Variants in FAM167A observed in about 807,000 individuals in gnomAD.
FAM167A encodes the protein family with sequence similarity 167 member A.
Under a neutral mutation model 14.9 loss-of-function variants are expected in FAM167A, and 23 were observed. The ratio of observed to expected loss-of-function variants is 1.55; its 90% confidence interval spans 1.11 to 2.19. FAM167A has a LOEUF of 2.19. FAM167A is among the 30% of genes most tolerant of loss of function. The probability of loss-of-function intolerance (pLI) is 0.00; values close to 1 mark genes in which losing one functional copy is unlikely to be tolerated. For missense variants in FAM167A, 401 were observed against 281.5 expected, an observed-to-expected ratio of 1.42 and a Z score of -3.04; for synonymous variants, 174 against 117.7, an observed-to-expected ratio of 1.48 and a Z score of -3.10.
At chr8:11,453,815 T>C (rs1037008185) in intron 1 of FAM167A, among the ~76,000 whole-genome samples, 1 of 151,800 alleles carries the variant, frequency 6.6e-6, no homozygotes, top group African/African-American at 2.4e-5. Flanking sequence ...GGAGCACGTC[T>C]ACACCGCAGC....
At chr8:11,430,511 A>G (rs1585233539) in intron 2 of FAM167A, among the ~76,000 whole-genome samples, 1 of 152,332 alleles carries the variant, frequency 6.6e-6, no homozygotes, top group East Asian at 1.9e-4. Context: ...AACACTAAAA[A>G]CCACTGAATT....
At chr8:11,458,912 G>A (rs984216880) in intron 1 of FAM167A, among the ~76,000 whole-genome samples, 3 of 152,250 alleles carry the variant, frequency 2.0e-5, no homozygotes, top group African/African-American at 7.2e-5. Flanking sequence ...GCCATCAAGA[G>A]AGGCTGGAAC....
chr8:11,422,076 C>A lies in FAM167A; in HGVS notation c.*2297G>T, dbSNP rs1302696792. On this transcript the variant is annotated 3_prime_UTR_variant, in exon 3 of 3. Transcript: ENST00000284486. Reference sequence around the variant, plus strand: ...CGAGCAAAATAGCTCAGACATTTAACTTATCCCCAAACATGTGTCTTGATC... The same window carrying A: ...CGAGCAAAATAGCTCAGACATTTAAATTATCCCCAAACATGTGTCTTGATC... 3 of 359,506 alleles carry A rather than the reference C, an allele frequency of 8.3e-6. No homozygotes were observed. Among genetic ancestry groups the A allele is most frequent in the Non-Finnish European group, 1.5e-5 (3 of 202,142 alleles). 22.3% of individuals were successfully genotyped at this position (359,506 alleles called of 1,614,324 possible).
intron 2 of FAM167A, among the ~76,000 whole-genome samples, chr8:11,426,610 C>A (rs889144234): frequency 1.3e-5 from 2 of 152,058 alleles, no homozygotes; most frequent in Non-Finnish European, 2.9e-5. Context: ...CTATGCCTTT[C>A]CTCAAAGATG....
At position 11,424,433 on chromosome 8, in the gene FAM167A, T is replaced by C. The variant is rs1369276646; in HGVS notation, c.585A>G (p.Pro195=). The C allele has an allele frequency of 1.2e-6, 2 of 1,611,312 alleles. No individual in the cohort carries two copies. The highest frequency in any genetic ancestry group is 1.7e-5 in the Admixed American group (1 of 59,778). The change falls in exon 3 of 3, where the codon CCA becomes CCG. Residue 195 remains proline, a synonymous_variant. Transcript: ENST00000284486. ...PLASSFSLST[P]LKLIGVTKMN... ...TCTTGGTCACGCCAATAAGCTTGAG[T>C]GGTGTGGAGAGGCTGAAGGAGGAGG...
At chr8:11,442,062 G>A (rs1201943329) in intron 2 of FAM167A, among the ~76,000 whole-genome samples, 3 of 152,170 alleles carry the variant, frequency 2.0e-5, no homozygotes, top group Non-Finnish European at 4.4e-5. Context: ...TTTACCCTAT[G>A]TACGACAGCC....
chr8:11,438,385 C>A (rs1398412439), intron 2 of FAM167A: 4 of 450,670 alleles, frequency 8.9e-6, no homozygotes, highest in Non-Finnish European at 1.3e-5. Context: ...GAAGGCCTTA[C>A]TTTTATTTGA....
intron 1 of FAM167A, among the ~76,000 whole-genome samples, chr8:11,475,743 C>T (rs1797856636): frequency 3.3e-5 from 5 of 152,176 alleles, no homozygotes; most frequent in Admixed American, 3.3e-4. Flanking sequence ...ATTCTCTAAT[C>T]TTTCCCTAAA....
chr8:11,429,349 C>T (rs934928773), intron 2 of FAM167A, among the ~76,000 whole-genome samples: 5 of 152,162 alleles, frequency 3.3e-5, no homozygotes, highest in Admixed American at 1.3e-4. Flanking sequence ...TGGAGTTAGT[C>T]GGGAGGACGG....
At chr8:11,445,201 G>A (rs904034920) in intron 1 of FAM167A, 21 of 984,894 alleles carry the variant, frequency 2.1e-5, no homozygotes, top group African/African-American at 3.5e-5. Context: ...TGAATCTGAG[G>A]CCACAGGTCT....
chr8:11,445,726 A>C (rs1048910164), intron 1 of FAM167A, among the ~76,000 whole-genome samples: 3 of 152,114 alleles, frequency 2.0e-5, no homozygotes, highest in African/African-American at 7.2e-5. Flanking sequence ...CTGTGGTCCG[A>C]GGTCCATGGG....
intron 2 of FAM167A, among the ~76,000 whole-genome samples, chr8:11,436,351 G>A (rs1351323323): frequency 6.6e-6 from 1 of 152,186 alleles, no homozygotes; most frequent in Non-Finnish European, 1.5e-5. Context: ...GGGGGCCCTC[G>A]TGAGGCCAAG....
intron 1 of FAM167A, among the ~76,000 whole-genome samples, chr8:11,452,828 C>A (rs547046063): frequency 2.0e-5 from 3 of 152,226 alleles, no homozygotes; most frequent in African/African-American, 7.2e-5. Context: ...AGTGCCAGCA[C>A]GGGCTGAGCA....
chr8:11,429,033 A>G (rs1033323994), intron 2 of FAM167A, among the ~76,000 whole-genome samples: 10 of 138,116 alleles, frequency 7.2e-5, no homozygotes, highest in Non-Finnish European at 1.1e-4. Flanking sequence ...GCAATTAAGT[A>G]CATTCACGTT....
At chr8:11,460,610 C>T (rs958329279) in intron 1 of FAM167A, among the ~76,000 whole-genome samples, 2 of 152,244 alleles carry the variant, frequency 1.3e-5, no homozygotes, top group Non-Finnish European at 2.9e-5. Context: ...CCTGGTGCAA[C>T]AAGAGCAACC....
intron 2 of FAM167A, among the ~76,000 whole-genome samples, chr8:11,432,947 A>C (rs1371597813): frequency 1.3e-5 from 2 of 152,226 alleles, no homozygotes; most frequent in Non-Finnish European, 2.9e-5. Flanking sequence ...CATCATTCTC[A>C]GCAAACCAAC....
At chr8:11,445,385 G>A in intron 1 of FAM167A, 8 of 985,714 alleles carry the variant, frequency 8.1e-6, no homozygotes, top group Non-Finnish European at 7.2e-6. Flanking sequence ...CTTACTCTAC[G>A]CTCCTAGCTT....
At chr8:11,425,031 T>C (rs1805037386) in intron 2 of FAM167A, among the ~76,000 whole-genome samples, 1 of 152,148 alleles carries the variant, frequency 6.6e-6, no homozygotes, top group East Asian at 1.9e-4. Flanking sequence ...GGGACTGTGA[T>C]TGGGAAAGGT....
intron 2 of FAM167A, among the ~76,000 whole-genome samples, chr8:11,427,427 T>A (rs751390830): frequency 6.6e-6 from 1 of 152,322 alleles, no homozygotes; most frequent in African/African-American, 2.4e-5. Context: ...TTCTCACTAT[T>A]TCCTCTGTCT....
Sources: gnomAD v4.1 joint callset for allele counts (sites outside exome capture counted in the v4.1 genomes callset) on GRCh38, gnomAD v4.1.1 for gene constraint, MANE v1.5 for transcripts, NCBI Gene and HGNC (gene_info 2026-07-23, HGNC 2026-07-21) for gene names.